Variants in SMG1 observed in about 807,000 individuals in gnomAD.
SMG1 encodes SMG1 nonsense mediated mRNA decay associated PI3K related kinase.
Under a neutral mutation model 419.9 loss-of-function variants are expected in SMG1, and 22 were observed. That is an observed-to-expected ratio of 0.05 (90% confidence interval 0.04 to 0.07). The LOEUF (loss-of-function observed/expected upper bound fraction) is 0.07. SMG1 is among the 10% of genes least tolerant of loss of function. The pLI is 1.00. For synonymous variants in SMG1, 1,538 were observed against 1,553.5 expected, an observed-to-expected ratio of 0.99 and a Z score of 0.23; for missense variants, 3,185 against 4,342.0, an observed-to-expected ratio of 0.73 and a Z score of 7.49.
rs749754918 is a variant in SMG1 at position 18,830,346 on chromosome 16, T to A, written c.8816A>T (p.Glu2939Val). 6.2e-7 allele frequency: 1 copy of A among 1,613,886 alleles called. No individual in the cohort carries two copies. The highest frequency in any genetic ancestry group is 8.5e-7 in the Non-Finnish European group (1 of 1,179,894). ...TGAACCATTTCTCGGTTGGATTAAT[T>A]CACCGTACTGAGCATGTAGTAGTCT... Reference protein sequence around the residue: ...VARLLHAQYGELIQPRNGSVD... With the variant: ...VARLLHAQYGVLIQPRNGSVD... The change falls in exon 52 of 63, where the codon GAA becomes GTA. Residue 2939 changes from glutamate to valine, a missense_variant. Glu to Val is a moderately radical substitution (Grantham distance 121). This residue lies in a region of SMG1 where 737 missense variants were observed against 846.6 expected (regional missense o/e 0.87). Transcript: ENST00000446231.
At chr16:18,844,509 ACACACACACACACG>A (rs1567354570) in intron 39 of SMG1, among the ~76,000 whole-genome samples, 4 of 109,408 alleles carry the variant, frequency 3.7e-5, no homozygotes, top group Non-Finnish European at 7.0e-5. Flanking sequence ...ACACACACAC[ACACACACACACACG>A]GAAACTCGAG....
intron 1 of SMG1, chr16:18,900,190 G>A (rs1481517963): frequency 3.6e-5 from 19 of 525,564 alleles, no homozygotes; most frequent in Non-Finnish European, 6.4e-5. Flanking sequence ...AAAAATTGAG[G>A]TGGAAAGCCA....
At chr16:18,844,083 A>G (rs1321593399) in intron 39 of SMG1, among the ~76,000 whole-genome samples, 1 of 151,676 alleles carries the variant, frequency 6.6e-6, no homozygotes, top group African/African-American at 2.4e-5. Context: ...CTGATTTTCT[A>G]ATTTGATTTA....
At chr16:18,897,105 C>T in intron 1 of SMG1, 149 bp from the exon 2 acceptor site, 1 of 570,890 alleles carries the variant, frequency 1.8e-6, no homozygotes, top group Non-Finnish European at 3.1e-6. Flanking sequence ...ACTCAGCTGT[C>T]TAATAAGAAG....
chr16:18,896,311 C>T lies in SMG1; in HGVS notation c.257-104G>A. The T allele has an allele frequency of 6.4e-6, 7 of 1,089,864 alleles. No homozygotes were observed. In the South Asian group the frequency reaches 9.0e-5, roughly 14 times the overall value. 67.5% of individuals were successfully genotyped at this position (1,089,864 alleles called of 1,614,324 possible). On this transcript the variant is annotated intron_variant, in intron 2 of 62. Coordinates refer to ENST00000446231, the MANE Select transcript of SMG1 (RefSeq NM_015092.5). ...ATTACTCAATCTGCAGCTCAACCAG[C>T]CTTTGCTTCTCCTACCTTTTTCCTG...
chr16:18,854,534 G>A, intron 30 of SMG1, 122 bp downstream of exon 30: 1 of 940,422 alleles, frequency 1.1e-6, no homozygotes, highest in Non-Finnish European at 1.6e-6. Flanking sequence ...GGATGCAAAT[G>A]TTCTGCAACA....
At chr16:18,907,042 G>A (rs138300584) in intron 1 of SMG1, among the ~76,000 whole-genome samples, 2,792 of 152,292 alleles carry the variant, frequency 0.018, 88 homozygotes, top group African/African-American at 0.064. Flanking sequence ...CCAGCACTTT[G>A]GGAGGCTGAG....
chr16:18,830,187 T>C, intron 52 of SMG1, 32 bp downstream of exon 52: 1 of 1,611,982 alleles, frequency 6.2e-7, no homozygotes, highest in Non-Finnish European at 8.5e-7. Flanking sequence ...TTATGGCACT[T>C]GCATTATTTT....
chr16:18,898,887 C>T (rs1474062819), intron 1 of SMG1, among the ~76,000 whole-genome samples: 1 of 152,168 alleles, frequency 6.6e-6, no homozygotes, highest in East Asian at 1.9e-4. Context: ...GCTCAAATCC[C>T]AGCTCCAGCA....
chr16:18,895,758 T>C (rs543154141), intron 3 of SMG1, among the ~76,000 whole-genome samples: 48 of 152,094 alleles, frequency 3.2e-4, no homozygotes, highest in African/African-American at 1.0e-3. Context: ...GCCCAAGAGT[T>C]CAAGGACTTG....
intron 39 of SMG1, among the ~76,000 whole-genome samples, chr16:18,844,321 C>A (rs1032658021): frequency 6.6e-6 from 1 of 151,542 alleles, no homozygotes; most frequent in Admixed American, 6.6e-5. Context: ...CCCAGCTACA[C>A]GGGAGGCTGA....
At chr16:18,842,851 T>C (rs1317368028) in intron 39 of SMG1, among the ~76,000 whole-genome samples, 1 of 152,114 alleles carries the variant, frequency 6.6e-6, no homozygotes, top group African/African-American at 2.4e-5. Context: ...CAAAACTAAA[T>C]TTTAAAATCC....
chr16:18,922,263 G>A (rs1160644769), intron 1 of SMG1, among the ~76,000 whole-genome samples: 1 of 152,096 alleles, frequency 6.6e-6, no homozygotes, highest in Non-Finnish European at 1.5e-5. Context: ...TTAGCTATTG[G>A]CAATGATAGG....
Position 18,834,325 on chromosome 16 carries a change from A to C in SMG1, c.8444T>G (p.Val2815Gly). Residue 2815 changes from valine to glycine, a missense_variant, in exon 50 of 63, where the codon GTC (valine) becomes GGC (glycine). This residue lies in a region of SMG1 where 412 missense variants were observed against 546.6 expected (regional missense o/e 0.75). Coordinates refer to ENST00000446231, the MANE Select transcript of SMG1 (RefSeq NM_015092.5). Reference sequence around the variant, plus strand: ...CTTCAGTAACTGAACCAAGCAGGTGACGTTTCCGCTCATACTGCAGAGTTC... The same window carrying C: ...CTTCAGTAACTGAACCAAGCAGGTGCCGTTTCCGCTCATACTGCAGAGTTC... Reference protein sequence around the residue: ...LEELCSMSGNVTCLVQLLKQC... With the variant: ...LEELCSMSGNGTCLVQLLKQC... The C allele has an allele frequency of 6.2e-7, 1 of 1,613,564 alleles. No homozygotes were observed.
At chr16:18,854,104 TGAGGCA>T (rs2034764934) in intron 30 of SMG1, among the ~76,000 whole-genome samples, 1 of 148,826 alleles carries the variant, frequency 6.7e-6, no homozygotes, top group Admixed American at 6.7e-5. Flanking sequence ...TTTTTTTTTT[TGAGGCA>T]GGGTTTCACT....
intron 55 of SMG1, among the ~76,000 whole-genome samples, chr16:18,827,825 ATG>A (rs1205252055): frequency 7.3e-6 from 1 of 136,766 alleles, no homozygotes; most frequent in Non-Finnish European, 1.6e-5. Context: ...ACCAAAGTAT[ATG>A]TTTTTATATA....
At chr16:18,813,988 G>A (rs757331365) in intron 60 of SMG1, among the ~76,000 whole-genome samples, 122 of 125,378 alleles carry the variant, frequency 9.7e-4, no homozygotes, top group Non-Finnish European at 1.6e-3. Flanking sequence ...CCAAGATTGC[G>A]CCACTGCACT....
At position 18,834,910 on chromosome 16, in the gene SMG1, G is replaced by A. The variant is rs1272824936; in HGVS notation, c.8312C>T (p.Ala2771Val). 8.7e-6 allele frequency: 14 copies of A among 1,613,956 alleles called. No homozygotes were observed. The highest frequency in any genetic ancestry group is 1.2e-5 in the Non-Finnish European group (14 of 1,179,852). Residue 2771 changes from alanine to valine, a missense_variant, in exon 49 of 63, where the codon GCC becomes GTC. Ala to Val is a moderately conservative substitution (Grantham distance 64, BLOSUM62 0). Coordinates refer to ENST00000446231, the MANE Select transcript of SMG1 (RefSeq NM_015092.5). ...AACTTACCTTGTAAGGGTACAAAGG[G>A]CAGAAATAATAACACTTGCTAGACT... ...SLSLASVIIS[A>V]LCTLTRRNLM...
intron 1 of SMG1, among the ~76,000 whole-genome samples, chr16:18,918,317 A>G (rs1257298903): frequency 6.6e-6 from 1 of 152,222 alleles, no homozygotes; most frequent in Non-Finnish European, 1.5e-5. Context: ...CTATGATTCA[A>G]GGCCTACAAT....
Sources: gnomAD v4.1 joint callset for allele counts (sites outside exome capture counted in the v4.1 genomes callset) on GRCh38, gnomAD v4.1.1 for gene constraint, gnomAD v4.1.1 regional missense constraint, MANE v1.5 for transcripts, NCBI Gene and HGNC (gene_info 2026-07-23, HGNC 2026-07-21) for gene names.